The following CLCN5 variants were observed in gnomAD, a reference collection of about 807,000 sequenced individuals.
CLCN5 encodes the protein Cl-/H+ antiporter 5, also known as H(+)/Cl(-) exchange transporter 5.
Under a neutral mutation model 54.0 loss-of-function variants are expected in CLCN5, and 17 were observed. That is an observed-to-expected ratio of 0.31 (90% CI 0.22 to 0.47). The LOEUF (loss-of-function observed/expected upper bound fraction) is 0.47. Among genes scored for constraint, CLCN5 ranks in the 20% least tolerant of loss-of-function variants. The probability of loss-of-function intolerance (pLI) is 1.00; values close to 1 mark genes in which losing one functional copy is unlikely to be tolerated. For missense variants in CLCN5, 448 were observed against 646.7 expected, an observed-to-expected ratio of 0.69 and a Z score of 3.33; for synonymous variants, 222 against 233.0, an observed-to-expected ratio of 0.95 and a Z score of 0.43.
At chrX:50,026,161 A>G (rs58377135) in intron 3 of CLCN5, among the ~76,000 whole-genome samples, 8,242 of 111,540 alleles carry the variant, frequency 0.074, 750 homozygotes, top group African/African-American at 0.26. Context: ...AGAGTGTTTA[A>G]TCTCCAAGTA....
chrX:49,982,163 T>G (rs1465722336), intron 3 of CLCN5, among the ~76,000 whole-genome samples: 4 of 111,362 alleles, frequency 3.6e-5, no homozygotes, highest in Non-Finnish European at 5.7e-5. Context: ...AAAATCCCTT[T>G]GAATGACTTG....
At chrX:49,960,774 C>G (rs1041177444) in intron 3 of CLCN5, among the ~76,000 whole-genome samples, 12 of 110,839 alleles carry the variant, frequency 1.1e-4, no homozygotes, top group Non-Finnish European at 2.3e-4. Context: ...GCTTTTTATT[C>G]TGCCTGCAGA....
intron 4 of CLCN5, among the ~76,000 whole-genome samples, chrX:50,064,956 A>G (rs1557190551): frequency 9.0e-6 from 1 of 111,344 alleles, no homozygotes; most frequent in African/African-American, 3.3e-5. Flanking sequence ...CTGGCTAGCC[A>G]TATGTAGAAA....
chrX:50,041,629 T>G (rs17174056), intron 3 of CLCN5, among the ~76,000 whole-genome samples: 8,167 of 111,265 alleles, frequency 0.073, 749 homozygotes, highest in African/African-American at 0.26. Context: ...TGATGTCTAG[T>G]TTTTATTTCA....
intron 3 of CLCN5, among the ~76,000 whole-genome samples, chrX:49,950,873 G>A (rs945355739): frequency 9.0e-6 from 1 of 111,447 alleles, no homozygotes; most frequent in Non-Finnish European, 1.9e-5. Context: ...TATCCTTTGT[G>A]TTACAAACAA....
At chrX:49,933,273 A>T (rs1925756834) in intron 3 of CLCN5, among the ~76,000 whole-genome samples, 1 of 112,112 alleles carries the variant, frequency 8.9e-6, no homozygotes, top group Admixed American at 9.5e-5. Context: ...AAAAGAAATG[A>T]GTTCCTTGTC....
chrX:49,995,402 C>T (rs190459258), intron 3 of CLCN5, among the ~76,000 whole-genome samples: 3 of 111,909 alleles, frequency 2.7e-5, no homozygotes, highest in South Asian at 7.5e-4. Flanking sequence ...AAAATAGTTA[C>T]GGAGTTTCTA....
intron 4 of CLCN5, among the ~76,000 whole-genome samples, chrX:50,069,044 A>G (rs1196959933): frequency 1.8e-5 from 2 of 112,089 alleles, no homozygotes; most frequent in African/African-American, 3.2e-5. Context: ...CAGCTGATAT[A>G]TACTGATTCT....
intron 3 of CLCN5, among the ~76,000 whole-genome samples, chrX:50,007,502 T>G (rs1263426244): frequency 9.4e-6 from 1 of 106,281 alleles, no homozygotes; most frequent in African/African-American, 3.4e-5. Flanking sequence ...GATGTTTTCC[T>G]TCATATCCCT....
intron 3 of CLCN5, among the ~76,000 whole-genome samples, chrX:50,000,360 A>G (rs782195627): frequency 1.2e-4 from 13 of 109,873 alleles, no homozygotes; most frequent in African/African-American, 3.0e-4. Flanking sequence ...CAACCTCCCA[A>G]TGCACACACT....
chrX:49,949,738 G>A (rs1485706775), intron 3 of CLCN5, among the ~76,000 whole-genome samples: 2 of 111,477 alleles, frequency 1.8e-5, no homozygotes, highest in Non-Finnish European at 3.8e-5. Flanking sequence ...CTGTGATATA[G>A]CTCAGGGGTG....
At chrX:49,973,697 A>C (rs897093445) in intron 3 of CLCN5, among the ~76,000 whole-genome samples, 2 of 110,225 alleles carry the variant, frequency 1.8e-5, no homozygotes, top group African/African-American at 6.6e-5. Context: ...TGAAAGCAGT[A>C]GCAATCAGTA....
intron 3 of CLCN5, among the ~76,000 whole-genome samples, chrX:49,957,553 G>C (rs1194551416): frequency 9.0e-6 from 1 of 111,363 alleles, no homozygotes; most frequent in African/African-American, 3.3e-5. Context: ...TCAGTTCCTA[G>C]CCTCGCCTGT....
chrX:50,050,815 C>T (rs1932560326), intron 4 of CLCN5, among the ~76,000 whole-genome samples: 1 of 108,940 alleles, frequency 9.2e-6, no homozygotes, highest in African/African-American at 3.4e-5. Context: ...AGGTGCCTGC[C>T]ACCACGCCTG....
At chrX:49,999,801 T>G (rs900025533) in intron 3 of CLCN5, among the ~76,000 whole-genome samples, 1 of 112,084 alleles carries the variant, frequency 8.9e-6, no homozygotes, top group Non-Finnish European at 1.9e-5. Context: ...AATATGAGAA[T>G]TGTGCTACAA....
intron 4 of CLCN5, chrX:50,067,803 C>G: frequency 1.6e-6 from 1 of 628,168 alleles, no homozygotes; most frequent in East Asian, 1.6e-4. Flanking sequence ...GCATGCCCCC[C>G]GGGAGCAGGG....
At chrX:50,004,900 G>A (rs782546365) in intron 3 of CLCN5, among the ~76,000 whole-genome samples, 2 of 111,238 alleles carry the variant, frequency 1.8e-5, no homozygotes, top group Non-Finnish European at 3.8e-5. Flanking sequence ...ACAAGAGCGA[G>A]GCTTCATCTC....
chrX:50,012,538 T>C (rs1358573789), intron 3 of CLCN5, among the ~76,000 whole-genome samples: 2 of 112,616 alleles, frequency 1.8e-5, no homozygotes, highest in African/African-American at 6.5e-5. Context: ...TCCCTCTCTT[T>C]CATTCTTCGT....
intron 3 of CLCN5, among the ~76,000 whole-genome samples, chrX:50,039,882 G>A (rs782232131): frequency 6.0e-4 from 67 of 110,764 alleles, no homozygotes; most frequent in Admixed American, 1.4e-3. Context: ...TAGTAGAGGC[G>A]AGGTTTCACC....
Sources: allele counts gnomAD v4.1 joint callset (sites outside exome capture counted in the v4.1 genomes callset), GRCh38; gene constraint gnomAD v4.1.1; transcripts MANE v1.5; gene names NCBI Gene and HGNC (gene_info 2026-07-23, HGNC 2026-07-21).